Variants in IFT46 observed in about 807,000 individuals in gnomAD.
IFT46 encodes the protein intraflagellar transport 46.
A neutral mutation model predicts 39.6 loss-of-function variants in IFT46; 19 were observed. The ratio of observed to expected loss-of-function variants is 0.48; its 90% CI spans 0.33 to 0.70. IFT46 has a LOEUF of 0.70. IFT46 is among the 30% of genes least tolerant of loss of function. The pLI, the probability that IFT46 is intolerant of heterozygous loss-of-function variation, is 0.01. For missense variants in IFT46, 334 were observed against 364.8 expected (o/e 0.92, Z 0.69); for synonymous variants, 117 against 134.8 (o/e 0.87, Z 0.91).
chr11:118,552,562 G>A (rs964774926), intron 7 of IFT46, among the ~76,000 whole-genome samples: 4 of 152,152 alleles, frequency 2.6e-5, no homozygotes, highest in African/African-American at 9.7e-5. Flanking sequence ...GCAGTCTGAG[G>A]TGGGAGGATC....
chr11:118,554,725 A>G (rs1591365264), intron 6 of IFT46, 138 bp from the exon 7 acceptor site: 1 of 927,562 alleles, frequency 1.1e-6, no homozygotes, highest in East Asian at 2.6e-5. Context: ...CAGAAAAAAA[A>G]TATTATCCAT....
In IFT46 at chr11:118,551,861, A is replaced by G. The variant is rs1555068562; in HGVS notation, c.606-9T>C. 6 of 1,612,896 alleles carry G rather than the reference A, an allele frequency of 3.7e-6. No individual in the cohort carries two copies. The highest frequency in any genetic ancestry group is 5.1e-6 in the Non-Finnish European group (6 of 1,178,952). On this transcript the variant is annotated splice_polypyrimidine_tract_variant and intron_variant, in intron 8 of 11. Coordinates refer to ENST00000264021, the MANE Select transcript of IFT46 (RefSeq NM_001168618.2). ...CAATGTCGGGCATGGGCCTAAAAGTATAAAGGTAAATATGAACAAGAAACG... is the reference window on the plus strand; with the variant it reads ...CAATGTCGGGCATGGGCCTAAAAGTGTAAAGGTAAATATGAACAAGAAACG...
chr11:118,554,929 G>C, intron 6 of IFT46, 61 bp downstream of exon 6: 1 of 1,194,562 alleles, frequency 8.4e-7, no homozygotes, highest in Non-Finnish European at 1.2e-6. Context: ...AAACTGTTAA[G>C]AGTAACAGGG....
At chr11:118,547,894 C>T (rs1951729869) in intron 9 of IFT46, among the ~76,000 whole-genome samples, 1 of 151,028 alleles carries the variant, frequency 6.6e-6, no homozygotes, top group South Asian at 2.1e-4. Flanking sequence ...CTATAGGCGC[C>T]CGCCACAGCG....
chr11:118,565,264 A>G (rs1691607043), intron 1 of IFT46, among the ~76,000 whole-genome samples: 1 of 151,996 alleles, frequency 6.6e-6, no homozygotes, highest in South Asian at 2.1e-4. Context: ...GCCCTTATTT[A>G]GGAACTGCTG....
At chr11:118,573,124 A>G (rs1938392809), upstream of IFT46, among the ~76,000 whole-genome samples, 1 of 152,126 alleles carries the variant, frequency 6.6e-6, no homozygotes. Flanking sequence ...ATAGGACCCA[A>G]GTGTCTCTGA....
intron 1 of IFT46, among the ~76,000 whole-genome samples, chr11:118,571,104 T>C (rs1555072293): frequency 6.6e-6 from 1 of 152,168 alleles, no homozygotes; most frequent in African/African-American, 2.4e-5. Context: ...TCACTCTCTA[T>C]TCCTACCCTT....
chr11:118,547,744 C>CTTTTTTTTTTT (rs1233612951), intron 9 of IFT46, among the ~76,000 whole-genome samples: 32 of 91,154 alleles, frequency 3.5e-4, no homozygotes, highest in Non-Finnish European at 5.2e-4. Context: ...CTTTTCTTTT[C>CTTTTTTTTTTT]TTTTTTTTTT....
chr11:118,545,823 T>C lies in IFT46; in HGVS notation c.703A>G (p.Ser235Gly). 6.2e-7 allele frequency: 1 copy of C among 1,614,200 alleles called. No individual in the cohort carries two copies. The highest frequency in any genetic ancestry group is 1.3e-5 in the African/African-American group (1 of 75,056). Residue 235 changes from serine to glycine, a missense_variant, in exon 10 of 12, where the codon AGC (serine) becomes GGC (glycine). Coordinates refer to ENST00000264021, the MANE Select transcript of IFT46 (RefSeq NM_001168618.2). ...VSLPTAEIDC[S>G]LAEYIDMICA... ...ATCATGTCAATGTACTCTGCCAGGC[T>C]GCAATCAATCTCTGCCGTGGGCAGG...
intron 4 of IFT46, chr11:118,555,583 G>T: frequency 2.8e-6 from 1 of 360,082 alleles, no homozygotes; most frequent in Non-Finnish European, 5.0e-6. Flanking sequence ...TAGCATAAAT[G>T]GTTTTCCTTT....
intron 2 of IFT46, among the ~76,000 whole-genome samples, chr11:118,564,576 A>G (rs1938165235): frequency 6.6e-6 from 1 of 152,174 alleles, no homozygotes; most frequent in Non-Finnish European, 1.5e-5. Context: ...TTTGTTGAAT[A>G]AATAAATAGT....
At chr11:118,566,153 TAG>T (rs782774445), upstream of IFT46, 3 of 152,146 alleles carry the variant, frequency 2.0e-5, no homozygotes, top group Non-Finnish European at 4.4e-5. Context: ...CGGGCTGGTG[TAG>T]AGTTAGCCCT....
At position 118,552,250 on chromosome 11, in the gene IFT46, T is replaced by C. The variant is rs1230442153; in HGVS notation, c.569A>G (p.His190Arg). 75 of 1,614,034 alleles carry C rather than the reference T, an allele frequency of 4.6e-5. No homozygotes were observed. The highest frequency in any genetic ancestry group is 6.0e-5 in the Non-Finnish European group (71 of 1,180,018). ...CACAGTCGCAGGGGGCTTAGAACGG[T>C]GTAATTCAGAGATGCTCTCAATCCA... ...DTWIESISEL[H>R]RSKPPATVHY... is the part of the protein sequence containing the mutation. Residue 190 changes from histidine to arginine, a missense_variant, in exon 8 of 12, where the codon CAC becomes CGC. Physicochemically the swap from His to Arg is conservative, Grantham distance 29. Coordinates refer to ENST00000264021, the MANE Select transcript of IFT46 (RefSeq NM_001168618.2).
chr11:118,552,228 A>G lies in IFT46; in HGVS notation c.591T>C (p.Thr197=). ...SELHRSKPPA[T]VHYTRPMPDI... ...GTATTTCTTACCTGGTGTAGTGCAC[A>G]GTCGCAGGGGGCTTAGAACGGTGTA... The change falls in exon 8 of 12, where the codon ACT becomes ACC. Residue 197 remains threonine, a synonymous_variant. Coordinates refer to ENST00000264021, the MANE Select transcript of IFT46 (RefSeq NM_001168618.2). 1 of 1,614,130 alleles carries G rather than the reference A, an allele frequency of 6.2e-7. No individual in the cohort carries two copies. Among genetic ancestry groups the G allele is most frequent in the Non-Finnish European group, 8.5e-7 (1 of 1,180,014 alleles).
intron 10 of IFT46, 29 bp from the exon 11 acceptor site, chr11:118,545,523 G>T: frequency 6.4e-7 from 1 of 1,570,546 alleles, no homozygotes; most frequent in Non-Finnish European, 8.8e-7. Flanking sequence ...TCCAGGAACA[G>T]AAGCAAACAA....
chr11:118,545,063 A>G (rs781875159), intron 11 of IFT46, 52 bp from the exon 12 acceptor site: 2 of 1,225,852 alleles, frequency 1.6e-6, no homozygotes, highest in Non-Finnish European at 2.4e-6. Flanking sequence ...GCTAATTGCT[A>G]TATTTTAACA....
At chr11:118,548,751 A>G (rs1281788000) in intron 9 of IFT46, among the ~76,000 whole-genome samples, 3 of 150,890 alleles carry the variant, frequency 2.0e-5, no homozygotes, top group African/African-American at 7.3e-5. Flanking sequence ...TCGCCCTCCC[A>G]AAGTGCTGGG....
At chr11:118,572,284 A>C (rs909087831) in intron 1 of IFT46, 2 of 488,032 alleles carry the variant, frequency 4.1e-6, no homozygotes, top group African/African-American at 2.0e-5. Flanking sequence ...AACGCCCCCT[A>C]CACCTCCTGG....
chr11:118,550,109 A>AT (rs1240385609), intron 9 of IFT46, among the ~76,000 whole-genome samples: 3 of 148,364 alleles, frequency 2.0e-5, no homozygotes, highest in South Asian at 2.1e-4. Flanking sequence ...TAATTTTTGT[A>AT]TTTTTTTAGT....
Sources: allele counts gnomAD v4.1 joint callset (sites outside exome capture counted in the v4.1 genomes callset), GRCh38; gene constraint gnomAD v4.1.1; transcripts MANE v1.5; gene names NCBI Gene and HGNC (gene_info 2026-07-23, HGNC 2026-07-21).